Variants in DPP10 observed in about 807,000 individuals in gnomAD.
The protein encoded by DPP10 is dipeptidyl peptidase like 10.
Under a neutral mutation model 120.9 loss-of-function variants are expected in DPP10, and 33 were observed. The ratio of observed to expected loss-of-function variants is 0.27; its 90% CI spans 0.21 to 0.37. The LOEUF (loss-of-function observed/expected upper bound fraction) is 0.37, where lower values mean the gene tolerates loss of function less well. Ranked by LOEUF, DPP10 falls within the 10% of genes least tolerant of loss-of-function variation. The pLI, the probability that DPP10 is intolerant of heterozygous loss-of-function variation, is 1.00. For missense variants in DPP10, 816 were observed against 942.8 expected, an observed-to-expected ratio of 0.87 and a Z score of 1.76; for synonymous variants, 337 against 326.1, an observed-to-expected ratio of 1.03 and a Z score of -0.36.
At chr2:115,276,009 C>T (rs2059907838) in intron 1 of DPP10, among the ~76,000 whole-genome samples, 1 of 152,110 alleles carries the variant, frequency 6.6e-6, no homozygotes, top group Non-Finnish European at 1.5e-5. Flanking sequence ...CCTATTCTAG[C>T]ATATTTCAAC....
intron 12 of DPP10, among the ~76,000 whole-genome samples, chr2:115,766,435 A>G (rs986604909): frequency 2.7e-5 from 4 of 150,462 alleles, no homozygotes; most frequent in African/African-American, 9.8e-5. Context: ...TCTCATACAT[A>G]CATTTATATA....
At chr2:115,711,395 G>A (rs1409088167) in intron 7 of DPP10, among the ~76,000 whole-genome samples, 2 of 152,130 alleles carry the variant, frequency 1.3e-5, no homozygotes, top group African/African-American at 4.8e-5. Context: ...GAATGCTACA[G>A]TGGCTACGTA....
intron 1 of DPP10, among the ~76,000 whole-genome samples, chr2:114,913,679 A>G (rs781305227): frequency 1.4e-4 from 22 of 152,196 alleles, no homozygotes; most frequent in Admixed American, 2.6e-4. Context: ...ACCTCCAAAC[A>G]ACTATAGTAG....
chr2:115,836,642 A>G (rs751044672), intron 23 of DPP10, 32 bp from the exon 24 acceptor site: 5 of 1,610,024 alleles, frequency 3.1e-6, no homozygotes, highest in Non-Finnish European at 4.2e-6. Context: ...ATTTAGATCT[A>G]TAGATACAGA....
intron 1 of DPP10, among the ~76,000 whole-genome samples, chr2:114,717,393 C>T (rs971493263): frequency 3.3e-5 from 5 of 152,116 alleles, no homozygotes; most frequent in Admixed American, 6.5e-5. Flanking sequence ...AGCTATTTAA[C>T]TTAATTTTTA....
intron 1 of DPP10, among the ~76,000 whole-genome samples, chr2:114,536,536 G>A (rs922802326): frequency 6.6e-6 from 1 of 151,640 alleles, no homozygotes; most frequent in African/African-American, 2.4e-5. Context: ...CTCCTGAGTA[G>A]CTGGGACTAC....
intron 1 of DPP10, among the ~76,000 whole-genome samples, chr2:114,778,156 C>T (rs1369678279): frequency 1.3e-5 from 2 of 152,082 alleles, no homozygotes; most frequent in African/African-American, 2.4e-5. Context: ...TCATCATTAT[C>T]ATTCATTACC....
intron 4 of DPP10, among the ~76,000 whole-genome samples, chr2:115,508,250 A>G (rs557694562): frequency 2.8e-4 from 42 of 152,236 alleles, no homozygotes; most frequent in African/African-American, 1.0e-3. Context: ...AATATATTAT[A>G]TTGCCTATGA....
At chr2:114,608,761 C>T (rs1003657863) in intron 1 of DPP10, among the ~76,000 whole-genome samples, 5 of 151,390 alleles carry the variant, frequency 3.3e-5, no homozygotes, top group Non-Finnish European at 7.4e-5. Flanking sequence ...AGTTGGCGGG[C>T]ATTATCCTCA....
intron 1 of DPP10, among the ~76,000 whole-genome samples, chr2:115,238,938 T>A (rs771605369): frequency 6.6e-6 from 1 of 152,056 alleles, no homozygotes; most frequent in Non-Finnish European, 1.5e-5. Flanking sequence ...CCAGTCCAAG[T>A]CCCAAAGCTG....
At chr2:115,432,665 G>T (rs545336698) in intron 3 of DPP10, among the ~76,000 whole-genome samples, 8,919 of 140,290 alleles carry the variant, frequency 0.064, 379 homozygotes, top group Middle Eastern at 0.1. Flanking sequence ...AATTTTGTGT[G>T]TGTGTGTGTG....
intron 3 of DPP10, among the ~76,000 whole-genome samples, chr2:115,414,877 G>A (rs2069248329): frequency 1.3e-5 from 2 of 149,936 alleles, no homozygotes; most frequent in African/African-American, 2.5e-5. Context: ...CTATCTCCAG[G>A]AAAAGGCTTG....
chr2:115,764,170 C>G (rs573978137), intron 12 of DPP10, among the ~76,000 whole-genome samples: 3 of 151,286 alleles, frequency 2.0e-5, no homozygotes, highest in African/African-American at 7.3e-5. Flanking sequence ...ATGTTTTTTA[C>G]TTCTAATTGT....
rs1439851645 is a variant in DPP10, at chr2:115,715,207, C to G, written c.577-12609C>G. The stretch of plus-strand genomic sequence containing the variant: ...ACACAAAATTAGCTGGGCGTGGTGG[C>G]ACATGCCTGTAATCCCAGCTACTTA... On this transcript the variant is annotated intron_variant, in intron 7 of 25. Coordinates refer to ENST00000410059, the MANE Select transcript of DPP10 (RefSeq NM_020868.6). Among the ~76,000 whole-genome samples the G allele has an allele frequency of 4.0e-5, 6 of 151,214 alleles. No individual in the cohort carries two copies. The South Asian group carries it at 1.0e-3, about 26-fold the overall frequency.
intron 1 of DPP10, among the ~76,000 whole-genome samples, chr2:115,018,714 G>T (rs986710605): frequency 2.0e-5 from 3 of 152,088 alleles, no homozygotes; most frequent in Non-Finnish European, 2.9e-5. Flanking sequence ...CCTGTTGGGG[G>T]TGTAAGGGGC....
rs1685742187 is a variant in DPP10, at chr2:114,817,555, G to A, written c.60+374717G>A. On this transcript the variant is annotated intron_variant, in intron 1 of 25. Coordinates refer to ENST00000410059, the MANE Select transcript of DPP10 (RefSeq NM_020868.6). Reference sequence around the variant, plus strand: ...CCAGCCAATAGGAGTTCTGGCCGTAGAGAAATGTGGCTCTTACTAGAATCT... The same window carrying A: ...CCAGCCAATAGGAGTTCTGGCCGTAAAGAAATGTGGCTCTTACTAGAATCT... Among the ~76,000 whole-genome samples, 3 of 152,174 alleles carry A rather than the reference G, an allele frequency of 2.0e-5. No individual in the cohort carries two copies. The South Asian group carries it at 6.2e-4, about 31-fold the overall frequency.
intron 4 of DPP10, among the ~76,000 whole-genome samples, chr2:115,504,119 A>G (rs2076823705): frequency 6.6e-6 from 1 of 152,088 alleles, no homozygotes; most frequent in South Asian, 2.1e-4. Flanking sequence ...ACCAGCATGC[A>G]TGAGTAGGAT....
chr2:115,109,112 G>A (rs2049087801), intron 1 of DPP10, among the ~76,000 whole-genome samples: 1 of 152,170 alleles, frequency 6.6e-6, no homozygotes, highest in Non-Finnish European at 1.5e-5. Flanking sequence ...AGTAAACAAG[G>A]AGAATATTCA....
intron 1 of DPP10, among the ~76,000 whole-genome samples, chr2:114,627,739 T>C (rs1353101559): frequency 6.6e-6 from 1 of 152,116 alleles, no homozygotes; most frequent in Non-Finnish European, 1.5e-5. Flanking sequence ...TTTTGAATGA[T>C]GAGGCACCAG....
Sources: allele counts gnomAD v4.1 joint callset (sites outside exome capture counted in the v4.1 genomes callset), GRCh38; gene constraint gnomAD v4.1.1; transcripts MANE v1.5; gene names NCBI Gene and HGNC (gene_info 2026-07-23, HGNC 2026-07-21).